EPS15: variants seen among roughly 807,000 people sequenced by gnomAD.
The protein encoded by EPS15 is epidermal growth factor receptor pathway substrate 15.
Under a neutral mutation model 113.8 loss-of-function variants are expected in EPS15, and 72 were observed. That is an observed-to-expected ratio of 0.63 (90% confidence interval 0.52 to 0.77). EPS15 has a LOEUF of 0.77. EPS15 is among the 30% of genes least tolerant of loss of function. EPS15 has a pLI of 0.00. For synonymous variants in EPS15, 344 were observed against 363.4 expected (o/e 0.95, Z 0.61); for missense variants, 1,048 against 1,045.8 (o/e 1.00, Z -0.03).
chr1:51,385,287 A>G (rs1254243813), intron 21 of EPS15, among the ~76,000 whole-genome samples: 1 of 152,228 alleles, frequency 6.6e-6, no homozygotes, highest in East Asian at 1.9e-4. Flanking sequence ...CATAGAAGAT[A>G]TACAAATAGC....
chr1:51,422,170 G>A, intron 12 of EPS15: 1 of 555,152 alleles, frequency 1.8e-6, no homozygotes. Context: ...TGGAAATAGT[G>A]TCCAATGAAA....
chr1:51,508,273 AAAGAG>A (rs1239396747), intron 1 of EPS15, among the ~76,000 whole-genome samples: 14 of 136,114 alleles, frequency 1.0e-4, no homozygotes, highest in African/African-American at 3.7e-4. Context: ...AGAGAGAGAG[AAAGAG>A]AGAAAGAGAG....
chr1:51,478,357 A>G (rs760243563), intron 2 of EPS15, among the ~76,000 whole-genome samples: 140 of 150,280 alleles, frequency 9.3e-4, no homozygotes, highest in Admixed American at 2.9e-3. Context: ...GTCTCTGCAC[A>G]TGAGATGGGT....
intron 21 of EPS15, among the ~76,000 whole-genome samples, chr1:51,381,453 C>T (rs1443053723): frequency 1.3e-5 from 2 of 151,894 alleles, no homozygotes; most frequent in South Asian, 2.1e-4. Context: ...ATGACACGGG[C>T]GTGGTGGTGG....
chr1:51,500,591 C>T (rs1279703763), intron 1 of EPS15, among the ~76,000 whole-genome samples: 5 of 152,144 alleles, frequency 3.3e-5, no homozygotes, highest in Non-Finnish European at 7.4e-5. Context: ...TCACAGCTCA[C>T]TGCAGCCTCG....
rs955088384 is a variant in EPS15 at position 51,361,355 on chromosome 1, C to T, written c.2360G>A (p.Gly787Glu). ...TPTRPCPLPP[G>E]KRSINKLDSP... ...ATCCAATTTGTTGATGGATCTTTTC[C>T]CTGGATCAAAATCATTACAATTAAT... Residue 787 changes from glycine to glutamate, a missense_variant and splice_region_variant, in exon 24 of 25, where the codon GGG becomes GAG. Coordinates refer to ENST00000371733, the MANE Select transcript of EPS15 (RefSeq NM_001981.3). The T allele has an allele frequency of 1.4e-5, 22 of 1,607,972 alleles. No individual in the cohort carries two copies. The highest frequency in any genetic ancestry group is 1.6e-5 in the Non-Finnish European group (19 of 1,176,132).
chr1:51,461,296 C>T, intron 7 of EPS15, 146 bp from the exon 8 acceptor site: 1 of 617,558 alleles, frequency 1.6e-6, no homozygotes, highest in Non-Finnish European at 2.9e-6. Flanking sequence ...GCAGGAGGAT[C>T]ACTTCAGCCC....
At chr1:51,468,657 C>T (rs1655022679) in intron 4 of EPS15, 89 bp from the exon 5 acceptor site, 2 of 827,760 alleles carry the variant, frequency 2.4e-6, no homozygotes, top group East Asian at 2.6e-5. Context: ...AAATATAAAA[C>T]AATTCATAAT....
At chr1:51,366,072 AT>A (rs372983066) in intron 21 of EPS15, 43 bp from the exon 22 acceptor site, 108,772 of 1,048,436 alleles carry the variant, frequency 0.1, no homozygotes, top group South Asian at 0.15. Context: ...ACAGTAAGAC[AT>A]TTTTTTTTTT....
chr1:51,502,817 C>G (rs974144941), intron 1 of EPS15, among the ~76,000 whole-genome samples: 3 of 151,878 alleles, frequency 2.0e-5, no homozygotes, highest in Admixed American at 6.6e-5. Flanking sequence ...GCAACCTGGC[C>G]AACATGGTGA....
At chr1:51,394,859 T>C (rs1023129212) in intron 20 of EPS15, among the ~76,000 whole-genome samples, 1 of 152,140 alleles carries the variant, frequency 6.6e-6, no homozygotes, top group Admixed American at 6.5e-5. Flanking sequence ...CTGTTTTAAC[T>C]TTTTACTTAT....
intron 21 of EPS15, among the ~76,000 whole-genome samples, chr1:51,386,974 C>T (rs1265356736): frequency 5.9e-5 from 9 of 152,180 alleles, no homozygotes; most frequent in Non-Finnish European, 8.8e-5. Flanking sequence ...GAGAACGACA[C>T]AAAGATACTC....
intron 12 of EPS15, 39 bp from the exon 13 acceptor site, chr1:51,421,897 A>G: frequency 6.2e-7 from 1 of 1,610,002 alleles, no homozygotes; most frequent in Non-Finnish European, 8.5e-7. Context: ...ATTTTAGAAC[A>G]TCAGCTACAG....
chr1:51,501,338 G>C (rs996983187), intron 1 of EPS15, among the ~76,000 whole-genome samples: 1 of 152,104 alleles, frequency 6.6e-6, no homozygotes, highest in East Asian at 1.9e-4. Flanking sequence ...AACCCGGGAG[G>C]TGGAGGTTGC....
intron 1 of EPS15, among the ~76,000 whole-genome samples, chr1:51,505,020 G>C (rs950122686): frequency 6.6e-6 from 1 of 151,882 alleles, no homozygotes; most frequent in Non-Finnish European, 1.5e-5. Context: ...ACTCGGGAGG[G>C]TGAGGCAGGA....
intron 21 of EPS15, among the ~76,000 whole-genome samples, chr1:51,379,375 C>A (rs879408435): frequency 3.9e-5 from 6 of 152,082 alleles, no homozygotes; most frequent in Non-Finnish European, 8.8e-5. Context: ...CCACCTCGGC[C>A]TCCCACAGTG....
Position 51,406,052 on chromosome 1 carries a change from A to G in EPS15, c.1530T>C (p.Asn510=). The G allele has an allele frequency of 6.2e-7, 1 of 1,614,170 alleles. No homozygotes were observed. The highest frequency in any genetic ancestry group is 8.5e-7 in the Non-Finnish European group (1 of 1,180,014). The change falls in exon 16 of 25, where the codon AAT becomes AAC. Residue 510 remains asparagine (N), a synonymous_variant. Transcript: ENST00000371733. ...KDLENHNSQL[N]WCSSPHSILV... ...GAATGCTGTGTGGGCTACTGCACCAATTTAACTGACTATTATGATTTTCCA... is the reference window on the plus strand; with the variant it reads ...GAATGCTGTGTGGGCTACTGCACCAGTTTAACTGACTATTATGATTTTCCA...
intron 21 of EPS15, chr1:51,373,106 T>C (rs766733401): frequency 1.1e-5 from 2 of 174,954 alleles, no homozygotes; most frequent in Middle Eastern, 8.9e-4. Flanking sequence ...AATCAGGATG[T>C]AGAGAAGAAA....
intron 1 of EPS15, among the ~76,000 whole-genome samples, chr1:51,497,109 A>T (rs1644337523): frequency 6.6e-6 from 1 of 152,244 alleles, no homozygotes; most frequent in Non-Finnish European, 1.5e-5. Flanking sequence ...TTTTTAGAAG[A>T]CACTTAGGAG....
Sources: gnomAD v4.1 joint callset for allele counts (sites outside exome capture counted in the v4.1 genomes callset) on GRCh38, gnomAD v4.1.1 for gene constraint, MANE v1.5 for transcripts, NCBI Gene and HGNC (gene_info 2026-07-23, HGNC 2026-07-21) for gene names.